CHD1L: variants seen among roughly 807,000 people sequenced by gnomAD.
CHD1L encodes the protein ATP-dependent chromatin remodeler CHD1L.
In CHD1L, 118 loss-of-function variants were observed where a neutral mutation model predicts 115.9. The observed-to-expected ratio is 1.02, with a 90% CI of 0.88 to 1.19. CHD1L has a LOEUF of 1.19. Among genes scored for constraint, CHD1L ranks in the 50% most tolerant of loss-of-function variants. The probability of loss-of-function intolerance (pLI) is 0.00; values close to 1 mark genes in which losing one functional copy is unlikely to be tolerated. For synonymous variants in CHD1L, 411 were observed against 387.1 expected (o/e 1.06, Z -0.72); for missense variants, 1,179 against 1,065.3 (o/e 1.11, Z -1.49).
At chr1:147,272,326 T>C (rs190456667) in intron 12 of CHD1L, 45 bp downstream of exon 12, 2 of 1,298,412 alleles carry the variant, frequency 1.5e-6, no homozygotes, top group Admixed American at 3.4e-5. Flanking sequence ...TGAGGGATAA[T>C]AGAGTACTAT....
chr1:147,237,925 T>G (rs1255265384), upstream of CHD1L, among the ~76,000 whole-genome samples: 1 of 152,206 alleles, frequency 6.6e-6, no homozygotes, highest in African/African-American at 2.4e-5. Context: ...TCTCAAAGAT[T>G]AACTTGATAA....
At chr1:147,232,621 G>A in the CHD1L span, among the ~76,000 whole-genome samples, 1 of 151,606 alleles carries the variant, frequency 6.6e-6, no homozygotes, top group Non-Finnish European at 1.5e-5. Context: ...GCCTCAGCCT[G>A]CCGAGTGCCT....
At chr1:147,210,765 T>A in the CHD1L span, 1 of 152,216 alleles carries the variant, frequency 6.6e-6, no homozygotes, top group Non-Finnish European at 1.5e-5. Flanking sequence ...ACTTGATAAG[T>A]GCTTAATGGC....
At chr1:147,178,272 C>T in the CHD1L span, 7 of 1,613,624 alleles carry the variant, frequency 4.3e-6, no homozygotes, top group African/African-American at 1.3e-5. Flanking sequence ...TCGAGTTCTT[C>T]GCCCCCTGGT....
At chr1:147,279,092 T>A (rs1361148649) in intron 14 of CHD1L, among the ~76,000 whole-genome samples, 1 of 152,184 alleles carries the variant, frequency 6.6e-6, no homozygotes, top group Admixed American at 6.5e-5. Context: ...CCTGGTTATG[T>A]GTATGGAGGG....
intron 15 of CHD1L, among the ~76,000 whole-genome samples, chr1:147,282,539 T>C (rs1268107635): frequency 6.6e-6 from 1 of 152,208 alleles, no homozygotes; most frequent in Non-Finnish European, 1.5e-5. Context: ...CCAGCAACTT[T>C]GCATTTTCCA....
intron 1 of CHD1L, among the ~76,000 whole-genome samples, chr1:147,251,398 G>A (rs587707802): frequency 6.6e-6 from 1 of 152,176 alleles, no homozygotes; most frequent in Non-Finnish European, 1.5e-5. Context: ...CTTAGCAAGA[G>A]GAATAAGGGA....
chr1:147,295,427 T>C lies in CHD1L; in HGVS notation c.2616-4T>C. On this transcript the variant is annotated splice_region_variant and splice_polypyrimidine_tract_variant and intron_variant, in intron 22 of 22. Transcript: ENST00000369258. ...CATGTATCTTCCTTGACCATCCTTA[T>C]CAGATATTATTTTCCTAGAAGCAAG... 6.3e-7 allele frequency: 1 copy of C among 1,597,622 alleles called. No homozygotes were observed. Among genetic ancestry groups the C allele is most frequent in the Non-Finnish European group, 8.6e-7 (1 of 1,166,124 alleles).
chr1:147,277,114 A>G (rs1334941293), intron 14 of CHD1L, among the ~76,000 whole-genome samples: 1 of 152,184 alleles, frequency 6.6e-6, no homozygotes, highest in African/African-American at 2.4e-5. Flanking sequence ...GAGAGAAGAA[A>G]GGAAAATAAG....
chr1:147,204,221 T>A, the CHD1L span: 1 of 1,385,342 alleles, frequency 7.2e-7, no homozygotes, highest in Non-Finnish European at 1.0e-6. Flanking sequence ...CACTGCTATT[T>A]TTGCATCTTT....
intron 5 of CHD1L, chr1:147,259,272 T>G (rs1671128154): frequency 6.6e-6 from 1 of 152,198 alleles, no homozygotes; most frequent in Non-Finnish European, 1.5e-5. Flanking sequence ...TGTCAACAAA[T>G]TCAGTGGATA....
chr1:147,208,382 G>A, the CHD1L span: 1 of 152,552 alleles, frequency 6.6e-6, no homozygotes, highest in Admixed American at 6.5e-5. Context: ...ACATCTGTGG[G>A]TACAAGTTAG....
At chr1:147,275,545 T>A in intron 13 of CHD1L, 77 bp downstream of exon 13, 1 of 1,130,604 alleles carries the variant, frequency 8.8e-7, no homozygotes, top group South Asian at 1.3e-5. Flanking sequence ...AATATAGTCC[T>A]GGTGACAGTC....
the CHD1L span, among the ~76,000 whole-genome samples, chr1:147,220,931 A>G: frequency 8.5e-6 from 1 of 118,298 alleles, no homozygotes; most frequent in African/African-American, 3.5e-5. Flanking sequence ...ACATAAAATG[A>G]GTTTTAAGTT....
chr1:147,206,589 AATG>A, the CHD1L span, among the ~76,000 whole-genome samples: 2 of 152,220 alleles, frequency 1.3e-5, no homozygotes, highest in East Asian at 1.9e-4. Context: ...AGCCATAAAA[AATG>A]ATGAGTTCAT....
At chr1:147,286,793 A>G (rs1485607109) in intron 18 of CHD1L, among the ~76,000 whole-genome samples, 2 of 152,302 alleles carry the variant, frequency 1.3e-5, no homozygotes, top group South Asian at 2.1e-4. Flanking sequence ...AGCAACATTG[A>G]TAAGACAAAC....
chr1:147,238,753 A>G (rs141509852), upstream of CHD1L, among the ~76,000 whole-genome samples: 1 of 152,316 alleles, frequency 6.6e-6, no homozygotes, highest in Non-Finnish European at 1.5e-5. Context: ...TTCCACAGGC[A>G]CCTCATTCAA....
chr1:147,250,453 C>T (rs1314791461), intron 1 of CHD1L, among the ~76,000 whole-genome samples: 3 of 152,050 alleles, frequency 2.0e-5, no homozygotes, highest in African/African-American at 7.2e-5. Context: ...CAGCCTCTGT[C>T]CACATCTGGG....
the CHD1L span, chr1:147,179,099 G>A: frequency 6.2e-7 from 1 of 1,614,058 alleles, no homozygotes; most frequent in South Asian, 1.1e-5. Context: ...GTTGCTATCA[G>A]AACTGCTAAA....
Sources: allele counts gnomAD v4.1 joint callset (sites outside exome capture counted in the v4.1 genomes callset), GRCh38; gene constraint gnomAD v4.1.1; transcripts MANE v1.5; gene names NCBI Gene and HGNC (gene_info 2026-07-23, HGNC 2026-07-21).